Variants in NXN observed in about 807,000 individuals in gnomAD.
NXN encodes the protein nucleoredoxin 1.
NXN carries 16 observed loss-of-function variants against 48.6 expected under a neutral mutation model. That is an observed-to-expected ratio of 0.33 (90% confidence interval 0.22 to 0.50). The LOEUF is 0.50. NXN is among the 20% of genes least tolerant of loss of function. The pLI is 0.98. For synonymous variants in NXN, 281 were observed against 269.6 expected (o/e 1.04, Z -0.41); for missense variants, 492 against 605.5 (o/e 0.81, Z 1.97).
chr17:947,207 C>G (rs528218504), intron 1 of NXN, among the ~76,000 whole-genome samples: 1 of 152,192 alleles, frequency 6.6e-6, no homozygotes, highest in East Asian at 1.9e-4. Flanking sequence ...GCTGAAAAAC[C>G]GTCACAGGAA....
intron 1 of NXN, among the ~76,000 whole-genome samples, chr17:887,171 C>T (rs1258433733): frequency 2.0e-5 from 3 of 152,108 alleles, no homozygotes; most frequent in Admixed American, 6.6e-5. Flanking sequence ...CCCGCCTCAA[C>T]CTTCCAAAGT....
Position 803,824 on chromosome 17 carries a change from G to T in NXN, c.1001-18C>A, listed in dbSNP as rs199546132. On this transcript the variant is annotated intron_variant, in intron 6 of 7. Coordinates refer to ENST00000336868, the MANE Select transcript of NXN (RefSeq NM_022463.5). ...CTCAGAATCTGTGATTGGGTCGGGG[G>T]TAGAAAAAGACGGGGAGAAAAAGCA... 32 of 1,613,656 alleles carry T rather than the reference G, an allele frequency of 2.0e-5. No individual in the cohort carries two copies. The highest frequency in any genetic ancestry group is 2.5e-5 in the Non-Finnish European group (30 of 1,179,892).
chr17:842,762 A>C (rs1175792295), intron 1 of NXN, among the ~76,000 whole-genome samples: 3 of 151,908 alleles, frequency 2.0e-5, no homozygotes, highest in African/African-American at 7.3e-5. Context: ...ATATGGTGAA[A>C]CCCCCGTCTC....
At chr17:979,027 G>T (rs1273929856) in intron 1 of NXN, among the ~76,000 whole-genome samples, 1 of 148,668 alleles carries the variant, frequency 6.7e-6, no homozygotes, top group Admixed American at 6.7e-5. Flanking sequence ...GGCCGAGGGG[G>T]GTCCAACTTT....
At chr17:811,781 C>T (rs1567811721) in intron 5 of NXN, among the ~76,000 whole-genome samples, 1 of 152,118 alleles carries the variant, frequency 6.6e-6, no homozygotes, top group Admixed American at 6.6e-5. Flanking sequence ...GCCTCGAGGC[C>T]CCGACTCCCC....
chr17:822,984 C>T (rs1567818082), intron 3 of NXN, among the ~76,000 whole-genome samples: 1 of 151,940 alleles, frequency 6.6e-6, no homozygotes, highest in Non-Finnish European at 1.5e-5. Context: ...CCTGGAGCCC[C>T]AGCTACTTCA....
chr17:916,522 T>A (rs2068690298), intron 1 of NXN, among the ~76,000 whole-genome samples: 1 of 152,206 alleles, frequency 6.6e-6, no homozygotes, highest in Admixed American at 6.6e-5. Context: ...TCCCTCCTGG[T>A]AAAATGTGAA....
Position 800,258 on chromosome 17 carries a change from G to T in NXN, c.*691C>A, listed in dbSNP as rs1911133578. The T allele has an allele frequency of 6.6e-6, 1 of 152,388 alleles. No individual in the cohort carries two copies. The highest frequency in any genetic ancestry group is 1.5e-5 in the Non-Finnish European group (1 of 68,162). 9.4% of individuals were successfully genotyped at this position (152,388 alleles called of 1,614,324 possible). On this transcript the variant is annotated 3_prime_UTR_variant, in exon 8 of 8. Transcript: ENST00000336868. ...AGAGGTGCTCCTCCTAGGACTCAGGGCTAAGTTTCTTGGGAAGATGTCCAA... is the reference window on the plus strand; with the variant it reads ...AGAGGTGCTCCTCCTAGGACTCAGGTCTAAGTTTCTTGGGAAGATGTCCAA...
At chr17:927,762 G>T (rs1350235913) in intron 1 of NXN, among the ~76,000 whole-genome samples, 5 of 152,018 alleles carry the variant, frequency 3.3e-5, no homozygotes, top group African/African-American at 1.2e-4. Context: ...GCTCTCAGAG[G>T]CAGAGAACAA....
chr17:918,300 A>C (rs1488629872), intron 1 of NXN, among the ~76,000 whole-genome samples: 1 of 152,148 alleles, frequency 6.6e-6, no homozygotes, highest in South Asian at 2.1e-4. Context: ...TTTCCTTTGT[A>C]ACGTTCGGTT....
chr17:912,383 C>T (rs4968129), intron 1 of NXN, among the ~76,000 whole-genome samples: 49,356 of 151,902 alleles, frequency 0.32, 8,952 homozygotes, highest in East Asian at 0.49. Flanking sequence ...ACAGGTCAAA[C>T]GGTCCACACA....
chr17:925,046 T>C (rs2068785852), intron 1 of NXN, among the ~76,000 whole-genome samples: 1 of 152,212 alleles, frequency 6.6e-6, no homozygotes, highest in South Asian at 2.1e-4. Flanking sequence ...GATTCAGGTG[T>C]AAGAACTAGC....
At position 801,118 on chromosome 17, in the gene NXN, T is replaced by C; in HGVS notation, c.1139A>G (p.Asp380Gly). ...CAGGTTGGTGTAATCTCGCAGGGAG[T>C]CAGTCATGTCATCCTGAAGCCGTCA... Reference protein sequence around the residue: ...FFVAGEDDMTDSLRDYTNLPE... With the variant: ...FFVAGEDDMTGSLRDYTNLPE... The change falls in exon 8 of 8, where the codon GAC becomes GGC. Residue 380 changes from aspartate to glycine, a missense_variant. Coordinates refer to ENST00000336868, the MANE Select transcript of NXN (RefSeq NM_022463.5). The C allele has an allele frequency of 6.5e-7, 1 of 1,533,196 alleles. No homozygotes were observed. The highest frequency in any genetic ancestry group is 8.8e-7 in the Non-Finnish European group (1 of 1,139,406). The allele number at this position is 1,533,196 out of a possible 1,614,324, so 95.0% of individuals were successfully genotyped here.
At chr17:915,457 T>C (rs1424532108) in intron 1 of NXN, among the ~76,000 whole-genome samples, 1 of 151,900 alleles carries the variant, frequency 6.6e-6, no homozygotes, top group African/African-American at 2.4e-5. Flanking sequence ...CTAATTTTTG[T>C]ATTTTTTTGT....
intron 1 of NXN, among the ~76,000 whole-genome samples, chr17:913,668 C>T (rs559876589): frequency 3.3e-5 from 5 of 152,134 alleles, no homozygotes; most frequent in African/African-American, 7.2e-5. Flanking sequence ...CCTACCCCCA[C>T]GTCCCCAGGC....
In NXN at chr17:920,018, T is replaced by C. The variant is rs540355561; in HGVS notation, c.360+59301A>G. Among the ~76,000 whole-genome samples, 2 of 152,208 alleles carry C rather than the reference T, an allele frequency of 1.3e-5. No individual in the cohort carries two copies. The highest frequency in any genetic ancestry group is 4.2e-4 in the South Asian group (2 of 4,814). ...CTACCCACTTCCACGGCCTCCTCCA[T>C]GTGAGGACCTCCGCCTCCAACTCTC... On this transcript the variant is annotated intron_variant, in intron 1 of 7. Coordinates refer to ENST00000336868, the MANE Select transcript of NXN (RefSeq NM_022463.5). This position sits in a 1 kb window ranked among gnomAD's most constrained non-coding sequence, Gnocchi z 4.6.
At chr17:925,564 G>A (rs1474051881) in intron 1 of NXN, among the ~76,000 whole-genome samples, 1 of 152,108 alleles carries the variant, frequency 6.6e-6, no homozygotes, top group African/African-American at 2.4e-5. Context: ...AGTTTTTGTA[G>A]TTTTAGTAGA....
chr17:921,645 C>T (rs1208996456), intron 1 of NXN, among the ~76,000 whole-genome samples: 1 of 151,616 alleles, frequency 6.6e-6, no homozygotes, highest in African/African-American at 2.4e-5. Context: ...CTCACTGCCC[C>T]TGGACAACAC....
intron 1 of NXN, among the ~76,000 whole-genome samples, chr17:871,163 G>A (rs1001608459): frequency 6.6e-6 from 1 of 151,662 alleles, no homozygotes; most frequent in East Asian, 2.0e-4. Context: ...GCCCGGCTAT[G>A]CTTTTATTTT....
Sources: allele counts gnomAD v4.1 joint callset (sites outside exome capture counted in the v4.1 genomes callset), GRCh38; gene constraint gnomAD v4.1.1; non-coding constraint Gnocchi (gnomAD v3.1); transcripts MANE v1.5; gene names NCBI Gene and HGNC (gene_info 2026-07-23, HGNC 2026-07-21).